Variants in EYS observed in about 807,000 individuals in gnomAD.
EYS encodes the protein EGF-like photoreceptor maintenance factor.
Under a neutral mutation model 282.1 loss-of-function variants are expected in EYS, and 250 were observed. The observed-to-expected ratio is 0.89, with a 90% CI of 0.80 to 0.98. The LOEUF (loss-of-function observed/expected upper bound fraction) is 0.98. Among genes scored for constraint, EYS ranks in the 50% least tolerant of loss-of-function variants. The pLI is 0.00. For synonymous variants in EYS, 1,355 were observed against 1,282.9 expected (o/e 1.06, Z -1.20); for missense variants, 4,016 against 3,709.0 (o/e 1.08, Z -2.15).
chr6:65,164,038 A>C (rs1764912148), intron 12 of EYS, among the ~76,000 whole-genome samples: 1 of 151,238 alleles, frequency 6.6e-6, no homozygotes, highest in Admixed American at 6.6e-5. Context: ...GCCCCTCCTG[A>C]CTCTAGCTTA....
chr6:64,842,828 T>C lies in EYS; in HGVS notation c.2993-20006A>G, dbSNP rs147634191. On this transcript the variant is annotated intron_variant, in intron 19 of 42. Transcript: ENST00000503581. ...CTTGGGTGCTGTTAAAAGCACTCTG[T>C]TTTAAAAGGGAAACAGTGCATAAAA... 1.7e-3 allele frequency among the ~76,000 whole-genome samples: 258 copies of C among 152,104 alleles called. 1 individual carries two copies. The highest frequency in any genetic ancestry group is 6.0e-3 in the African/African-American group (248 of 41,504).
At chr6:64,595,690 T>C (rs1397891379) in intron 24 of EYS, among the ~76,000 whole-genome samples, 1 of 152,074 alleles carries the variant, frequency 6.6e-6, no homozygotes, top group Non-Finnish European at 1.5e-5. Flanking sequence ...CCAGTCACAA[T>C]AGCCTCACAA....
chr6:64,426,825 A>C (rs1337228497), intron 28 of EYS, among the ~76,000 whole-genome samples: 2 of 152,164 alleles, frequency 1.3e-5, no homozygotes, highest in African/African-American at 4.8e-5. Flanking sequence ...TTTCAAATGG[A>C]AGTCTCCAGC....
chr6:63,963,140 G>A (rs1485817033), intron 35 of EYS, among the ~76,000 whole-genome samples: 1 of 151,262 alleles, frequency 6.6e-6, no homozygotes, highest in African/African-American at 2.4e-5. Flanking sequence ...GCGGGAGGGA[G>A]GAAGGATAGC....
chr6:63,799,276 A>G (rs1303009314), intron 37 of EYS, among the ~76,000 whole-genome samples: 1 of 151,822 alleles, frequency 6.6e-6, no homozygotes, highest in Non-Finnish European at 1.5e-5. Context: ...GGCCTCCCAA[A>G]GTGCTGGGAT....
Position 64,401,054 on chromosome 6 carries a change from T to C in EYS, c.5928-12214A>G, listed in dbSNP as rs192275650. On this transcript the variant is annotated intron_variant, in intron 28 of 42. Transcript: ENST00000503581. Reference sequence around the variant, plus strand: ...CAGAGATGAGGGTGACCTACTGTGATATTATTCACATAGCTACTGTATCAT... The same window carrying C: ...CAGAGATGAGGGTGACCTACTGTGACATTATTCACATAGCTACTGTATCAT... 1.1e-4 allele frequency among the ~76,000 whole-genome samples: 17 copies of C among 152,198 alleles called. No individual in the cohort carries two copies. The East Asian group carries it at 2.7e-3, about 24-fold the overall frequency.
rs201121461 is a variant in EYS, at chr6:64,063,327, C to A, written c.6725+3011G>T. Among the ~76,000 whole-genome samples, 13 of 152,158 alleles carry A rather than the reference C, an allele frequency of 8.5e-5. No individual in the cohort carries two copies. In the East Asian group the frequency reaches 2.3e-3, roughly 27 times the overall value. On this transcript the variant is annotated intron_variant, in intron 33 of 42. Transcript: ENST00000503581. The stretch of plus-strand genomic sequence containing the variant: ...CTCAGCATGCTTAAACTTAAACTCA[C>A]GATCTTCTCAATCTAACCTGCTCTT...
intron 35 of EYS, among the ~76,000 whole-genome samples, chr6:63,878,602 CCTT>C (rs896155704): frequency 1.8e-4 from 28 of 152,226 alleles, no homozygotes; most frequent in African/African-American, 6.5e-4. Context: ...AGGCAGGCCT[CCTT>C]GAACTGCGGT....
At chr6:64,813,040 A>C (rs1158500476) in intron 22 of EYS, among the ~76,000 whole-genome samples, 1 of 151,988 alleles carries the variant, frequency 6.6e-6, no homozygotes, top group Non-Finnish European at 1.5e-5. Flanking sequence ...TTATTCTATA[A>C]ATGTGAAATA....
At chr6:64,659,984 T>A (rs1768932042) in intron 22 of EYS, among the ~76,000 whole-genome samples, 1 of 152,162 alleles carries the variant, frequency 6.6e-6, no homozygotes, top group Non-Finnish European at 1.5e-5. Context: ...GCAAAAATCC[T>A]CAATAAAATA....
chr6:65,536,932 G>A (rs7744348), intron 2 of EYS, among the ~76,000 whole-genome samples: 19,520 of 151,966 alleles, frequency 0.13, 1,309 homozygotes, highest in South Asian at 0.2. Context: ...AAACTCATAC[G>A]GCAACGCTAA....
chr6:64,145,079 G>A (rs751582089), intron 31 of EYS, among the ~76,000 whole-genome samples: 2 of 152,142 alleles, frequency 1.3e-5, no homozygotes, highest in Non-Finnish European at 2.9e-5. Flanking sequence ...TGATAAATTT[G>A]AGGGATGAAA....
intron 4 of EYS, among the ~76,000 whole-genome samples, chr6:65,493,951 C>T (rs6908363): frequency 0.015 from 2,227 of 152,224 alleles, 61 homozygotes; most frequent in African/African-American, 0.051. Context: ...CCCTAACTTC[C>T]TCTACTGAGA....
chr6:63,969,565 T>C (rs892182487), intron 35 of EYS, among the ~76,000 whole-genome samples: 4 of 152,254 alleles, frequency 2.6e-5, no homozygotes, highest in African/African-American at 9.6e-5. Context: ...CTATTAGGAC[T>C]TATTTTGTTC....
chr6:65,261,401 G>A (rs1192307731), intron 12 of EYS, among the ~76,000 whole-genome samples: 1 of 151,884 alleles, frequency 6.6e-6, no homozygotes, highest in African/African-American at 2.4e-5. Flanking sequence ...TCTGTCTGGT[G>A]TGCATGTGTT....
intron 13 of EYS, among the ~76,000 whole-genome samples, chr6:65,000,502 TG>T (rs1771427349): frequency 6.6e-6 from 1 of 152,218 alleles, no homozygotes; most frequent in East Asian, 1.9e-4. Context: ...GCCAGGCAGG[TG>T]GCTCACACTT....
chr6:64,158,699 T>A (rs185426340), intron 31 of EYS, among the ~76,000 whole-genome samples: 1 of 152,352 alleles, frequency 6.6e-6, no homozygotes, highest in East Asian at 1.9e-4. Context: ...TTAACTCACA[T>A]CTTTGCCCCT....
rs73741595 is a variant in EYS at position 65,471,566 on chromosome 6, C to T, written c.862+19028G>A. On this transcript the variant is annotated intron_variant, in intron 5 of 42. Coordinates refer to ENST00000503581, the MANE Select transcript of EYS (RefSeq NM_001142800.2). ...ACAACCAGCTTTTCACTAACTCCTG[C>T]TTTGACATCATTGTAATTTATGTTG... 6.5e-3 allele frequency among the ~76,000 whole-genome samples: 985 copies of T among 152,236 alleles called. 7 individuals carry two copies. The highest frequency in any genetic ancestry group is 0.022 in the African/African-American group (922 of 41,544).
chr6:64,850,420 C>A (rs1038990911), intron 19 of EYS, among the ~76,000 whole-genome samples: 3 of 151,968 alleles, frequency 2.0e-5, no homozygotes, highest in African/African-American at 4.8e-5. Context: ...AAATACATGA[C>A]CCCCATAATC....
Sources: allele counts gnomAD v4.1 joint callset (sites outside exome capture counted in the v4.1 genomes callset), GRCh38; gene constraint gnomAD v4.1.1; transcripts MANE v1.5; gene names NCBI Gene and HGNC (gene_info 2026-07-23, HGNC 2026-07-21).